The following CFLAR variants were observed in gnomAD, a reference collection of about 807,000 sequenced individuals.
CFLAR encodes CASP8 and FADD-like apoptosis regulator.
Under a neutral mutation model 51.1 loss-of-function variants are expected in CFLAR, and 14 were observed. That is an observed-to-expected ratio of 0.27 (90% confidence interval 0.18 to 0.43). CFLAR has a LOEUF of 0.43. Among genes scored for constraint, CFLAR ranks in the 20% least tolerant of loss-of-function variants. CFLAR has a pLI of 1.00. For missense variants in CFLAR, 390 were observed against 566.5 expected, an observed-to-expected ratio of 0.69 and a Z score of 3.16; for synonymous variants, 210 against 211.6, an observed-to-expected ratio of 0.99 and a Z score of 0.06.
chr2:201,130,129 C>T lies in CFLAR; in HGVS notation c.264C>T (p.His88=). 7.4e-7 allele frequency: 1 copy of T among 1,347,806 alleles called. No individual in the cohort carries two copies. The highest frequency in any genetic ancestry group is 4.6e-5 in the East Asian group (1 of 21,850). 83.5% of individuals were successfully genotyped at this position (1,347,806 alleles called of 1,614,324 possible). A position where few individuals can be genotyped will look rare whatever the true frequency, so the allele number is the denominator to read the frequency against. The change falls in exon 2 of 10, where the codon CAC becomes CAT. Residue 88 remains histidine, a synonymous_variant. Transcript: ENST00000309955. ...AVETHLLRNP[H]LVSDYRVLMA... is the part of the protein sequence containing the mutation. ...AGACCCACCTGCTCAGGAACCCTCA[C>T]CTTGTTTCGGACTATAGGTAATTCA...
intron 1 of CFLAR, among the ~76,000 whole-genome samples, chr2:201,125,401 G>A (rs2048580050): frequency 6.6e-6 from 1 of 152,090 alleles, no homozygotes; most frequent in South Asian, 2.1e-4. Flanking sequence ...CTTTTTTGAG[G>A]GTTTGGCTTT....
chr2:201,136,847 C>T (rs1369986462), intron 4 of CFLAR: 14 of 243,624 alleles, frequency 5.7e-5, no homozygotes, highest in Non-Finnish European at 9.0e-5. Context: ...CACACAGGGA[C>T]GCAACAGTGA....
chr2:201,125,969 G>T (rs2048655969), intron 1 of CFLAR, among the ~76,000 whole-genome samples: 2 of 152,156 alleles, frequency 1.3e-5, no homozygotes, highest in African/African-American at 4.8e-5. Flanking sequence ...TGCAGGGCTG[G>T]CAGTCAGGAG....
chr2:201,128,319 G>C (rs1387829743), intron 1 of CFLAR, among the ~76,000 whole-genome samples: 2 of 152,070 alleles, frequency 1.3e-5, no homozygotes, highest in Non-Finnish European at 2.9e-5. Flanking sequence ...CATAAAATTT[G>C]TATTTATCTT....
rs1028936551 is a variant in CFLAR, at chr2:201,169,737, A to G, written c.*5764A>G. 1 of 152,228 alleles carries G rather than the reference A, an allele frequency of 6.6e-6. No individual in the cohort carries two copies. 9.4% of individuals were successfully genotyped at this position (152,228 alleles called of 1,614,324 possible). A position where few individuals can be genotyped will look rare whatever the true frequency, so the allele number is the denominator to read the frequency against. On this transcript the variant is annotated 3_prime_UTR_variant, in exon 10 of 10. Transcript: ENST00000309955. ...AAAGGTCTAATATCCAGAACCTACA[A>G]GGAACTTAAAACAAATTTACAAGGA...
intron 1 of CFLAR, chr2:201,117,147 G>C (rs1365438804): frequency 6.6e-6 from 1 of 152,196 alleles, no homozygotes; most frequent in Admixed American, 6.5e-5. Context: ...AGCCTGGTCA[G>C]GGCGGTTATT....
rs1366005533 is a variant in CFLAR, at chr2:201,172,214, A to G, written c.*8241A>G. 1 of 152,220 alleles carries G rather than the reference A, an allele frequency of 6.6e-6. No homozygotes were observed. Among genetic ancestry groups the G allele is most frequent in the African/African-American group, 2.4e-5 (1 of 41,448 alleles). The allele number at this position is 152,220 out of a possible 1,614,324, so 9.4% of individuals were successfully genotyped here. On this transcript the variant is annotated 3_prime_UTR_variant, in exon 10 of 10. Coordinates refer to ENST00000309955, the MANE Select transcript of CFLAR (RefSeq NM_003879.7). ...ATACACATAAATATATATTGAATGA[A>G]TCAGTGATGGATTGAAAAGAGAAAT...
In CFLAR at chr2:201,138,892, C is replaced by G; in HGVS notation, c.524-1465C>G. On this transcript the variant is annotated intron_variant, in intron 4 of 9. Coordinates refer to ENST00000309955, the MANE Select transcript of CFLAR (RefSeq NM_003879.7). This position sits in a 1 kb window ranked among gnomAD's most constrained non-coding sequence, Gnocchi z 4.0. ...GGCGTCTTCAGAGTGACCATTGGGT[C>G]AGGGCTGAGGTCAGGTCCACCTCAT... 1 of 686,632 alleles carries G rather than the reference C, an allele frequency of 1.5e-6. No homozygotes were observed. Among genetic ancestry groups the G allele is most frequent in the Non-Finnish European group, 2.7e-6 (1 of 367,354 alleles). 42.5% of individuals were successfully genotyped at this position (686,632 alleles called of 1,614,324 possible).
intron 9 of CFLAR, among the ~76,000 whole-genome samples, 168 bp downstream of exon 9, chr2:201,161,110 T>A (rs1008001504): frequency 6.6e-6 from 1 of 152,232 alleles, no homozygotes; most frequent in African/African-American, 2.4e-5. Context: ...CCGGCATGAT[T>A]TATAAATACT....
chr2:201,125,391 C>CT (rs910089118), intron 1 of CFLAR, among the ~76,000 whole-genome samples: 5 of 152,012 alleles, frequency 3.3e-5, no homozygotes, highest in Non-Finnish European at 7.4e-5. Flanking sequence ...GACCCTCAGG[C>CT]TTTTTTGAGG....
intron 1 of CFLAR, chr2:201,122,421 G>C (rs986790229): frequency 6.6e-6 from 1 of 152,200 alleles, no homozygotes; most frequent in Non-Finnish European, 1.5e-5. Flanking sequence ...GCTCCATCTT[G>C]CTTCATTGTA....
Position 201,164,024 on chromosome 2 carries a change from G to C in CFLAR, c.*51G>C, listed in dbSNP as rs770917702. 18 of 1,519,954 alleles carry C rather than the reference G, an allele frequency of 1.2e-5. No individual in the cohort carries two copies. In the African/African-American group the frequency reaches 2.1e-4, roughly 18 times the overall value. The allele number at this position is 1,519,954 out of a possible 1,614,324, so 94.2% of individuals were successfully genotyped here. ...CTCACACCTGTAATCCCAGCACTTT[G>C]GGAGGCCAAGGAGGGCAGATCACTT... On this transcript the variant is annotated 3_prime_UTR_variant, in exon 10 of 10. Transcript: ENST00000309955.
intron 8 of CFLAR, among the ~76,000 whole-genome samples, chr2:201,155,887 G>A (rs1004282037): frequency 6.6e-6 from 1 of 152,154 alleles, no homozygotes; most frequent in African/African-American, 2.4e-5. Context: ...AGCCTCCTGA[G>A]TGGCTGGGAC....
chr2:201,161,378 CAAAT>C (rs1942972956), intron 9 of CFLAR, among the ~76,000 whole-genome samples: 1 of 151,546 alleles, frequency 6.6e-6, no homozygotes, highest in Admixed American at 6.6e-5. Context: ...CTCCAATAAA[CAAAT>C]AAATAAATAC....
chr2:201,146,269 C>T (rs1160613454), intron 6 of CFLAR: 1 of 152,242 alleles, frequency 6.6e-6, no homozygotes, highest in East Asian at 1.9e-4. Context: ...GCCTCAGCCT[C>T]CTGAGTAGCT....
intron 5 of CFLAR, chr2:201,141,805 G>T: frequency 3.9e-6 from 1 of 256,758 alleles, no homozygotes; most frequent in Non-Finnish European, 6.2e-6. Context: ...TTAAATCTTG[G>T]TGTAATCTTA....
intron 8 of CFLAR, chr2:201,154,160 C>T (rs2125886490): frequency 3.7e-6 from 1 of 269,752 alleles, no homozygotes; most frequent in Non-Finnish European, 7.5e-6. Context: ...GGCGCAATCT[C>T]AGCTCACCGC....
chr2:201,130,244 C>T, intron 2 of CFLAR, 98 bp downstream of exon 2: 1 of 1,149,144 alleles, frequency 8.7e-7, no homozygotes, highest in Non-Finnish European at 1.2e-6. Context: ...AGAAGTGCAG[C>T]CACTTTACTG....
intron 8 of CFLAR, chr2:201,153,030 C>A (rs1023046408): frequency 5.3e-5 from 8 of 152,176 alleles, no homozygotes; most frequent in African/African-American, 1.4e-4. Flanking sequence ...CAGACATAGT[C>A]CTTTAAAGTT....
Sources: allele counts gnomAD v4.1 joint callset (sites outside exome capture counted in the v4.1 genomes callset), GRCh38; gene constraint gnomAD v4.1.1; non-coding constraint Gnocchi (gnomAD v3.1); transcripts MANE v1.5; gene names NCBI Gene and HGNC (gene_info 2026-07-23, HGNC 2026-07-21).